Variants in HDAC9 observed in about 807,000 individuals in gnomAD.
HDAC9 encodes the protein MEF-2 interacting transcription repressor (MITR) protein.
Under a neutral mutation model 139.4 loss-of-function variants are expected in HDAC9, and 41 were observed. That is an observed-to-expected ratio of 0.29 (90% confidence interval 0.23 to 0.38). HDAC9 has a LOEUF of 0.38. HDAC9 is among the 10% of genes least tolerant of loss of function. The pLI, the probability that HDAC9 is intolerant of heterozygous loss-of-function variation, is 1.00. For missense variants in HDAC9, 1,147 were observed against 1,297.0 expected, an observed-to-expected ratio of 0.88 and a Z score of 1.78; for synonymous variants, 517 against 476.2, an observed-to-expected ratio of 1.09 and a Z score of -1.12.
chr7:18,624,076 A>C (rs1048178421), intron 6 of HDAC9, among the ~76,000 whole-genome samples: 2 of 152,208 alleles, frequency 1.3e-5, no homozygotes, highest in Non-Finnish European at 2.9e-5. Flanking sequence ...TTATGTACAC[A>C]GTCACACATA....
intron 13 of HDAC9, 50 bp from the exon 14 acceptor site, chr7:18,748,955 T>C (rs1161798618): frequency 2.6e-6 from 4 of 1,552,116 alleles, no homozygotes; most frequent in Middle Eastern, 1.7e-4. Flanking sequence ...ACATGTGTCA[T>C]TATCTTGTAC....
intron 1 of HDAC9, among the ~76,000 whole-genome samples, chr7:18,443,603 A>T (rs1057330571): frequency 6.6e-6 from 1 of 152,194 alleles, no homozygotes; most frequent in Non-Finnish European, 1.5e-5. Context: ...GATGAATATT[A>T]GTAAACCCTC....
At chr7:18,591,696 T>C in intron 5 of HDAC9, 54 bp downstream of exon 5, 1 of 1,593,344 alleles carries the variant, frequency 6.3e-7, no homozygotes, top group Non-Finnish European at 8.6e-7. Context: ...ACAGGTTCTG[T>C]ATTTAGCCGA....
intron 1 of HDAC9, among the ~76,000 whole-genome samples, chr7:18,324,629 A>G (rs887087023): frequency 2.0e-5 from 3 of 152,138 alleles, no homozygotes; most frequent in African/African-American, 7.2e-5. Flanking sequence ...AGAAATTGCA[A>G]TGCCTCACTC....
Position 18,169,011 on chromosome 7 carries a change from C to T in HDAC9, c.25+6662C>T, listed in dbSNP as rs184689562. Among the ~76,000 whole-genome samples the T allele has an allele frequency of 4.1e-4, 62 of 150,556 alleles. No individual in the cohort carries two copies. In the East Asian group the frequency reaches 0.011, roughly 28 times the overall value. On this transcript the variant is annotated intron_variant, in intron 2 of 12. Transcript: ENST00000417496. ...GGAGTGCAATGGCATGATCTTGGCT[C>T]ACTGCAACCTCCGCCTCTTGGGTTC...
chr7:18,530,885 C>A (rs1324556667), intron 2 of HDAC9, among the ~76,000 whole-genome samples: 1 of 151,218 alleles, frequency 6.6e-6, no homozygotes, highest in Non-Finnish European at 1.5e-5. Flanking sequence ...TTAAAAAAAT[C>A]AATCGGTATA....
At chr7:18,146,785 A>G (rs1786366898) in intron 1 of HDAC9, among the ~76,000 whole-genome samples, 1 of 152,186 alleles carries the variant, frequency 6.6e-6, no homozygotes. Flanking sequence ...TTTAGGAGGA[A>G]AAGCATTCAA....
chr7:18,955,736 G>A (rs533337382), intron 24 of HDAC9, among the ~76,000 whole-genome samples: 4 of 152,146 alleles, frequency 2.6e-5, no homozygotes, highest in African/African-American at 7.2e-5. Flanking sequence ...GACAAGGGGC[G>A]GTCTGTTTCT....
intron 12 of HDAC9, among the ~76,000 whole-genome samples, chr7:18,706,060 T>A (rs1447024958): frequency 6.6e-6 from 1 of 151,828 alleles, no homozygotes; most frequent in Non-Finnish European, 1.5e-5. Context: ...TTCCCCAGTC[T>A]TTCCCACATG....
At chr7:18,470,599 T>C (rs1208415382) in intron 1 of HDAC9, among the ~76,000 whole-genome samples, 1 of 152,210 alleles carries the variant, frequency 6.6e-6, no homozygotes, top group Non-Finnish European at 1.5e-5. Flanking sequence ...GTAAATATTT[T>C]GGGCTTTGCA....
At chr7:18,589,813 C>G (rs1423699009) in intron 3 of HDAC9, among the ~76,000 whole-genome samples, 2 of 152,154 alleles carry the variant, frequency 1.3e-5, no homozygotes, top group African/African-American at 2.4e-5. Context: ...CTATTGAGAA[C>G]TTGCTCTGTA....
intron 1 of HDAC9, among the ~76,000 whole-genome samples, chr7:18,105,880 C>T (rs1342584164): frequency 6.6e-6 from 1 of 152,136 alleles, no homozygotes; most frequent in Non-Finnish European, 1.5e-5. Flanking sequence ...TGCACAATGG[C>T]ATATTACTAG....
intron 2 of HDAC9, among the ~76,000 whole-genome samples, chr7:18,236,924 A>G (rs1015957116): frequency 6.6e-6 from 1 of 152,148 alleles, no homozygotes; most frequent in East Asian, 1.9e-4. Context: ...CATGGTCTCA[A>G]CTAGTGCTAC....
intron 2 of HDAC9, among the ~76,000 whole-genome samples, chr7:18,181,294 C>G (rs1310721995): frequency 1.3e-5 from 2 of 152,260 alleles, no homozygotes; most frequent in Admixed American, 6.5e-5. Flanking sequence ...CTAATATGTG[C>G]CAGACACTGT....
intron 1 of HDAC9, among the ~76,000 whole-genome samples, chr7:18,484,938 T>C (rs542175620): frequency 6.6e-6 from 1 of 151,908 alleles, no homozygotes; most frequent in African/African-American, 2.4e-5. Context: ...TTCCAAAGGG[T>C]CCCTTCTGCT....
chr7:18,773,428 C>T (rs905061730), intron 16 of HDAC9, among the ~76,000 whole-genome samples: 1 of 149,744 alleles, frequency 6.7e-6, no homozygotes, highest in Non-Finnish European at 1.5e-5. Context: ...CCTATTTCCA[C>T]CAAAGTAATG....
chr7:18,997,693 G>C lies in HDAC9; in HGVS notation c.*1631G>C, dbSNP rs943782406. The C allele has an allele frequency of 6.6e-6, 1 of 152,030 alleles. No homozygotes were observed. The highest frequency in any genetic ancestry group is 1.5e-5 in the Non-Finnish European group (1 of 67,966). 9.4% of individuals were successfully genotyped at this position (152,030 alleles called of 1,614,324 possible). A position where few individuals can be genotyped will look rare whatever the true frequency, so the allele number is the denominator to read the frequency against. ...GGAACAATATGGTTTTAGTTAGAGA[G>C]GACTCTAACCTGTAAATCAAAGATG... is the stretch of plus-strand genomic sequence containing the variant. On this transcript the variant is annotated 3_prime_UTR_variant, in exon 26 of 26. Transcript: ENST00000686413.
At chr7:18,874,641 C>A in intron 22 of HDAC9, 45 bp downstream of exon 22, 1 of 1,129,594 alleles carries the variant, frequency 8.9e-7, no homozygotes, top group Non-Finnish European at 1.3e-6. Flanking sequence ...TGATATCATA[C>A]CATCTTTTAG....
intron 1 of HDAC9, among the ~76,000 whole-genome samples, chr7:18,438,328 C>T (rs753432497): frequency 1.5e-4 from 23 of 151,864 alleles, no homozygotes; most frequent in Admixed American, 3.3e-4. Context: ...TCCTGTTATC[C>T]AGTGTTGGTA....
Sources: allele counts gnomAD v4.1 joint callset (sites outside exome capture counted in the v4.1 genomes callset), GRCh38; gene constraint gnomAD v4.1.1; transcripts MANE v1.5; gene names NCBI Gene and HGNC (gene_info 2026-07-23, HGNC 2026-07-21).